Variants in PDE10A observed in about 807,000 individuals in gnomAD.
The protein encoded by PDE10A is cAMP and cAMP-inhibited cGMP 3',5'-cyclic phosphodiesterase 10A.
A neutral mutation model predicts 97.7 loss-of-function variants in PDE10A; 39 were observed. That is an observed-to-expected ratio of 0.40 (90% CI 0.31 to 0.52). PDE10A has a LOEUF of 0.52. Among genes scored for constraint, PDE10A ranks in the 20% least tolerant of loss-of-function variants. PDE10A has a pLI of 0.56. For missense variants in PDE10A, 731 were observed against 1,047.8 expected, an observed-to-expected ratio of 0.70 and a Z score of 4.17; for synonymous variants, 371 against 376.8, an observed-to-expected ratio of 0.98 and a Z score of 0.18.
chr6:165,935,209 A>G (rs932375646), intron 1 of PDE10A, among the ~76,000 whole-genome samples: 13 of 152,230 alleles, frequency 8.5e-5, no homozygotes, highest in Non-Finnish European at 1.6e-4. Context: ...AACCTTATAA[A>G]GGAGGCCATC....
At chr6:165,927,641 G>T (rs1455527516) in intron 1 of PDE10A, among the ~76,000 whole-genome samples, 1 of 64,512 alleles carries the variant, frequency 1.6e-5, no homozygotes, top group African/African-American at 6.2e-5. Context: ...ATTAACATGA[G>T]AATGACATAT....
chr6:165,655,502 T>C lies in PDE10A; in HGVS notation c.865+6445A>G, dbSNP rs1170004339. Among the ~76,000 whole-genome samples the C allele has an allele frequency of 1.4e-5, 2 of 138,952 alleles. No homozygotes were observed. The highest frequency in any genetic ancestry group is 5.6e-5 in the African/African-American group (2 of 35,876). The allele number at this position is 138,952 out of a possible 152,430, so 91.2% of individuals were successfully genotyped here. On this transcript the variant is annotated intron_variant, in intron 1 of 21. Coordinates refer to ENST00000539869, the MANE Select transcript of PDE10A (RefSeq NM_001385079.1). The surrounding 1 kb of genome is among the most constrained non-coding windows in gnomAD (Gnocchi z 4.5). Reference sequence around the variant, plus strand: ...CTCTCTCTCCCTTGACGTCCCCATATCCAACCCACCTGCAGGTCTTATACA... The same window carrying C: ...CTCTCTCTCCCTTGACGTCCCCATACCCAACCCACCTGCAGGTCTTATACA...
At chr6:165,916,616 C>T (rs1410817436) in intron 1 of PDE10A, among the ~76,000 whole-genome samples, 2 of 152,244 alleles carry the variant, frequency 1.3e-5, no homozygotes, top group African/African-American at 2.4e-5. Flanking sequence ...TCTTCTCCCG[C>T]TTGGAGCCAG....
chr6:165,606,568 T>G (rs954970924), intron 1 of PDE10A, among the ~76,000 whole-genome samples: 10 of 152,008 alleles, frequency 6.6e-5, no homozygotes, highest in Admixed American at 6.6e-4. Flanking sequence ...TCAAAGCAAC[T>G]CACATCATAA....
chr6:165,838,813 T>G (rs1780136850), intron 1 of PDE10A, among the ~76,000 whole-genome samples: 1 of 152,232 alleles, frequency 6.6e-6, no homozygotes, highest in Non-Finnish European at 1.5e-5. Flanking sequence ...TCTGCTCCAT[T>G]CCATCCAGGG....
At chr6:165,488,260 T>G (rs1780032139) in intron 2 of PDE10A, among the ~76,000 whole-genome samples, 1 of 152,110 alleles carries the variant, frequency 6.6e-6, no homozygotes, top group African/African-American at 2.4e-5. Context: ...AAAGAGAAAT[T>G]TAGTTTTTAG....
At chr6:165,434,874 C>A (rs1789885954) in intron 6 of PDE10A, among the ~76,000 whole-genome samples, 2 of 152,180 alleles carry the variant, frequency 1.3e-5, no homozygotes, top group Admixed American at 1.3e-4. Context: ...CTGTATGATA[C>A]CAGTAAAACT....
chr6:165,562,639 C>T (rs951273072), intron 1 of PDE10A, among the ~76,000 whole-genome samples: 3 of 152,184 alleles, frequency 2.0e-5, no homozygotes, highest in Non-Finnish European at 4.4e-5. Context: ...CGTGACACTG[C>T]ACTGCTCCAC....
intron 1 of PDE10A, among the ~76,000 whole-genome samples, chr6:165,816,905 G>A (rs1450600671): frequency 6.6e-6 from 1 of 152,132 alleles, no homozygotes; most frequent in East Asian, 1.9e-4. Context: ...AGCCTCTAAG[G>A]GGATGATGGG....
At chr6:165,733,991 G>A (rs903439) in intron 1 of PDE10A, among the ~76,000 whole-genome samples, 22,088 of 152,048 alleles carry the variant, frequency 0.15, 1,858 homozygotes, top group South Asian at 0.29. Flanking sequence ...TATAGAAATG[G>A]CATTTGCTTC....
chr6:165,336,726 G>A (rs986071093), intron 20 of PDE10A, among the ~76,000 whole-genome samples: 7 of 147,154 alleles, frequency 4.8e-5, no homozygotes, highest in Non-Finnish European at 5.9e-5. Flanking sequence ...TCCGCAGTCC[G>A]GCCTGGGCGA....
chr6:165,874,946 C>A (rs1302005180), intron 1 of PDE10A, among the ~76,000 whole-genome samples: 1 of 151,990 alleles, frequency 6.6e-6, no homozygotes, highest in Non-Finnish European at 1.5e-5. Context: ...CCCAGTTATT[C>A]GTTCTAAGTT....
chr6:165,701,972 C>A (rs998799303), intron 1 of PDE10A, among the ~76,000 whole-genome samples: 2 of 152,138 alleles, frequency 1.3e-5, no homozygotes, highest in Non-Finnish European at 2.9e-5. Flanking sequence ...GGTTGAGGAA[C>A]AACACGCAGT....
intron 1 of PDE10A, among the ~76,000 whole-genome samples, chr6:165,707,124 A>T (rs560396189): frequency 3.3e-5 from 5 of 152,370 alleles, no homozygotes; most frequent in African/African-American, 1.2e-4. Flanking sequence ...GGGAAAGCCC[A>T]GAAAACCCTA....
intron 1 of PDE10A, among the ~76,000 whole-genome samples, chr6:165,650,560 C>A (rs1221526267): frequency 6.6e-6 from 1 of 152,124 alleles, no homozygotes; most frequent in Non-Finnish European, 1.5e-5. Flanking sequence ...TCTCGAAGAT[C>A]TTCTGGACAT....
rs540824370 is a variant in PDE10A at position 165,886,741 on chromosome 6, A to T, written c.-615+100788T>A. ...GGCCATTGTTTTAAAGTCTTGTCAG[A>T]CTGGTAGCACCAAGAAGTGTTTGAA... On this transcript the variant is annotated intron_variant, in intron 1 of 19. Transcript: ENST00000366882. Among the ~76,000 whole-genome samples the T allele has an allele frequency of 3.3e-5, 5 of 152,324 alleles. No individual in the cohort carries two copies. In the South Asian group the frequency reaches 1.0e-3, roughly 32 times the overall value.
intron 3 of PDE10A, among the ~76,000 whole-genome samples, chr6:165,475,936 T>A (rs1269318872): frequency 6.6e-6 from 1 of 152,186 alleles, no homozygotes. Flanking sequence ...TGTCCACAAC[T>A]CTAGTTTCCT....
chr6:165,886,357 CAGCCCTGGAACCCTGG>C (rs1781633289), intron 1 of PDE10A, among the ~76,000 whole-genome samples: 1 of 148,742 alleles, frequency 6.7e-6, no homozygotes, highest in South Asian at 2.2e-4. Flanking sequence ...GGAAATCCTC[CAGCCCTGGAACCCTGG>C]AGCCCTGGAG....
At chr6:165,437,868 C>A (rs1231880548) in intron 5 of PDE10A, among the ~76,000 whole-genome samples, 2 of 152,182 alleles carry the variant, frequency 1.3e-5, no homozygotes, top group African/African-American at 2.4e-5. Context: ...AATTTACCTG[C>A]AAAAGCTCCT....
Sources: allele counts gnomAD v4.1 joint callset (sites outside exome capture counted in the v4.1 genomes callset), GRCh38; gene constraint gnomAD v4.1.1; non-coding constraint Gnocchi (gnomAD v3.1); transcripts MANE v1.5; gene names NCBI Gene and HGNC (gene_info 2026-07-23, HGNC 2026-07-21).